ZFTA: variants seen among roughly 807,000 people sequenced by gnomAD.
ZFTA encodes the protein zinc finger translocation associated.
ZFTA carries 35 observed loss-of-function variants against 41.8 expected under a neutral mutation model. The observed-to-expected ratio is 0.84, with a 90% confidence interval of 0.64 to 1.11. The LOEUF (loss-of-function observed/expected upper bound fraction) is 1.11. Ranked by LOEUF, ZFTA falls within the 50% of genes most tolerant of loss-of-function variation. The pLI is 0.00. For synonymous variants in ZFTA, 514 were observed against 436.4 expected (o/e 1.18, Z -2.22); for missense variants, 964 against 989.8 (o/e 0.97, Z 0.35).
In ZFTA at chr11:63,763,305, G is replaced by C; in HGVS notation, c.*113C>G. 2 of 803,642 alleles carry C rather than the reference G, an allele frequency of 2.5e-6. No individual in the cohort carries two copies. The highest frequency in any genetic ancestry group is 3.2e-6 in the Non-Finnish European group (2 of 634,798). The allele number at this position is 803,642 out of a possible 1,614,324, so 49.8% of individuals were successfully genotyped here. A position where few individuals can be genotyped will look rare whatever the true frequency, so the allele number is the denominator to read the frequency against. ...CCCGGCCAGCGGGGGGCGCGGCCGC[G>C]GGAAGCGCTAACACCGGACGCGAGG... On this transcript the variant is annotated 3_prime_UTR_variant, in exon 5 of 5. Coordinates refer to ENST00000433688, the MANE Select transcript of ZFTA (RefSeq NM_001144936.2).
chr11:63,765,895 C>T lies in ZFTA; in HGVS notation c.549G>A (p.Gly183=). 1 of 1,547,638 alleles carries T rather than the reference C, an allele frequency of 6.5e-7. No individual in the cohort carries two copies. The highest frequency in any genetic ancestry group is 1.2e-5 in the South Asian group (1 of 83,588). The change falls in exon 2 of 5, where the codon GGG becomes GGA. Residue 183 remains glycine (G), a synonymous_variant. Coordinates refer to ENST00000433688, the MANE Select transcript of ZFTA (RefSeq NM_001144936.2). This position sits in a 1 kb window ranked among gnomAD's most constrained non-coding sequence, Gnocchi z 4.0. Reference sequence around the variant, plus strand: ...CCTCCTCCTCCTCAGCCCCCTGGACCCCCAGGCCCTCGGCCTCTCCGCAGG... The same window carrying T: ...CCTCCTCCTCCTCAGCCCCCTGGACTCCCAGGCCCTCGGCCTCTCCGCAGG... ...LGACGEAEGL[G]VQGAEEEEEE... is the part of the protein sequence containing the mutation.
At chr11:63,764,730 A>C (rs2014716440) in intron 3 of ZFTA, 132 bp from the exon 4 acceptor site, 1 of 1,346,556 alleles carries the variant, frequency 7.4e-7, no homozygotes, top group Non-Finnish European at 9.5e-7. Context: ...GTCTGGGGGC[A>C]GGGGGAAAGT....
At chr11:63,767,923 G>T (rs953338217) in intron 1 of ZFTA, among the ~76,000 whole-genome samples, 2 of 152,182 alleles carry the variant, frequency 1.3e-5, no homozygotes, top group Non-Finnish European at 2.9e-5. Flanking sequence ...AAGATGGTGT[G>T]GGCCCCCGGG....
Position 63,768,584 on chromosome 11 carries a change from G to T in ZFTA, c.39C>A (p.Gly13=). Residue 13 remains glycine, a synonymous_variant, in exon 1 of 5, where the codon GGC becomes GGA. Transcript: ENST00000433688. ...PGGDHRSRSS[G]GRGGPGPAVA... Reference sequence around the variant, plus strand: ...CTGCTGGCCCGGGGCCGCCCCTGCCGCCGCTGCTCCGGCTCCGGTGGTCCC... The same window carrying T: ...CTGCTGGCCCGGGGCCGCCCCTGCCTCCGCTGCTCCGGCTCCGGTGGTCCC... The T allele has an allele frequency of 2.8e-5, 29 of 1,044,934 alleles. No homozygotes were observed. The highest frequency in any genetic ancestry group is 3.3e-5 in the Non-Finnish European group (29 of 871,808). The allele number at this position is 1,044,934 out of a possible 1,614,324, so 64.7% of individuals were successfully genotyped here.
In ZFTA at chr11:63,764,506, C is replaced by G. The variant is rs547813253; in HGVS notation, c.1117G>C (p.Asp373His). ...APSSQDLSPP[D>H]VKEEAGWVPE... ...ACCCAGCCAGCCTCTTCCTTTACGT[C>G]TGGGGGGCTGAGATCCTGAGAGGAG... The change falls in exon 4 of 5, where the codon GAC becomes CAC. Residue 373 changes from aspartate (D) to histidine (H), a missense_variant. This residue lies in a region of ZFTA where 584 missense variants were observed against 523.1 expected (regional missense o/e 1.12). Transcript: ENST00000433688. 8.0e-7 allele frequency: 1 copy of G among 1,257,550 alleles called. No individual in the cohort carries two copies. Among genetic ancestry groups the G allele is most frequent in the Non-Finnish European group, 1.0e-6 (1 of 995,792 alleles). The allele number at this position is 1,257,550 out of a possible 1,614,324, so 77.9% of individuals were successfully genotyped here.
At position 63,763,878 on chromosome 11, in the gene ZFTA, G is replaced by A. The variant is rs2014696207; in HGVS notation, c.1586-9C>T. 1 of 1,419,470 alleles carries A rather than the reference G, an allele frequency of 7.0e-7. No individual in the cohort carries two copies. Among genetic ancestry groups the A allele is most frequent in the Non-Finnish European group, 9.2e-7 (1 of 1,087,034 alleles). 87.9% of individuals were successfully genotyped at this position (1,419,470 alleles called of 1,614,324 possible). On this transcript the variant is annotated splice_polypyrimidine_tract_variant and intron_variant, in intron 4 of 4. Coordinates refer to ENST00000433688, the MANE Select transcript of ZFTA (RefSeq NM_001144936.2). Reference sequence around the variant, plus strand: ...GGACAGCGGAACGTCGCCTAAGGAGGGACAAAGGACCGCATTGGCGACGGC... The same window carrying A: ...GGACAGCGGAACGTCGCCTAAGGAGAGACAAAGGACCGCATTGGCGACGGC...
In ZFTA at chr11:63,763,601, C is replaced by T; in HGVS notation, c.1854G>A (p.Lys618=). 1 of 1,548,996 alleles carries T rather than the reference C, an allele frequency of 6.5e-7. No homozygotes were observed. The highest frequency in any genetic ancestry group is 1.2e-5 in the South Asian group (1 of 84,014). ...ALATLKVSTI[K]RHILQVHPFS... The stretch of plus-strand genomic sequence containing the variant: ...AGGGGTGCACCTGCAGGATGTGGCG[C>T]TTGATGGTGCTCACCTTGAGCGTGG... The change falls in exon 5 of 5, where the codon AAG becomes AAA. Residue 618 remains lysine, a synonymous_variant. Coordinates refer to ENST00000433688, the MANE Select transcript of ZFTA (RefSeq NM_001144936.2).
intron 1 of ZFTA, among the ~76,000 whole-genome samples, chr11:63,767,116 T>G (rs556589235): frequency 6.6e-6 from 1 of 152,238 alleles, no homozygotes; most frequent in Non-Finnish European, 1.5e-5. Flanking sequence ...TGCCCAGCAG[T>G]CAGAAGGGCG....
chr11:63,765,040 C>T lies in ZFTA; in HGVS notation c.852G>A (p.Val284=), dbSNP rs1332390682. 1 of 1,548,944 alleles carries T rather than the reference C, an allele frequency of 6.5e-7. No homozygotes were observed. The highest frequency in any genetic ancestry group is 2.0e-5 in the Admixed American group (1 of 50,938). The stretch of plus-strand genomic sequence containing the variant: ...GCAGTGCCCGGCCACAGGCCATGCA[C>T]ACCAGCCGGTTCCCCCGCGGGTCAT... ...MDYDPRGNRL[V]CMACGRALPS... The change falls in exon 3 of 5, where the codon GTG becomes GTA. Residue 284 remains valine (V), a synonymous_variant. Coordinates refer to ENST00000433688, the MANE Select transcript of ZFTA (RefSeq NM_001144936.2). The surrounding 1 kb of genome is among the most constrained non-coding windows in gnomAD (Gnocchi z 4.0).
chr11:63,763,811 G>C lies in ZFTA; in HGVS notation c.1644C>G (p.Asp548Glu). The C allele has an allele frequency of 6.9e-7, 1 of 1,447,256 alleles. No individual in the cohort carries two copies. The highest frequency in any genetic ancestry group is 9.1e-7 in the Non-Finnish European group (1 of 1,102,706). The allele number at this position is 1,447,256 out of a possible 1,614,324, so 89.7% of individuals were successfully genotyped here. A position where few individuals can be genotyped will look rare whatever the true frequency, so the allele number is the denominator to read the frequency against. The change falls in exon 5 of 5, where the codon GAC becomes GAG. Residue 548 changes from aspartate (D) to glutamate (E), a missense_variant. By Grantham distance (45) the Asp-to-Glu change is conservative. This residue lies in a region of ZFTA where 584 missense variants were observed against 523.1 expected (regional missense o/e 1.12). Transcript: ENST00000433688. ...CCCCAGGCTCCTGGCCGTCCTCTTC[G>C]TCCTCCTCTTCTTCGGCGGGCCGCT... ...PLERPAEEEE[D>E]EEDGQEPGGL...
Position 63,764,341 on chromosome 11 carries a change from T to A in ZFTA, c.1282A>T (p.Met428Leu), listed in dbSNP as rs1431606488. ...PQERWRLEYL[M>L]ELDGGRRGLV... ...CCGCGCCGGCCGCCGTCCAACTCCATGAGGTACTCCAGCCGCCAGCGCTCC... is the reference window on the plus strand; with the variant it reads ...CCGCGCCGGCCGCCGTCCAACTCCAAGAGGTACTCCAGCCGCCAGCGCTCC... Residue 428 changes from methionine to leucine, a missense_variant, in exon 4 of 5, where the codon ATG becomes TTG. This residue lies in a region of ZFTA where 584 missense variants were observed against 523.1 expected (regional missense o/e 1.12). Transcript: ENST00000433688. The A allele has an allele frequency of 5.9e-6, 8 of 1,355,318 alleles. No homozygotes were observed. Among genetic ancestry groups the A allele is most frequent in the Admixed American group, 3.8e-5 (1 of 25,986 alleles). 84.0% of individuals were successfully genotyped at this position (1,355,318 alleles called of 1,614,324 possible). A position where few individuals can be genotyped will look rare whatever the true frequency, so the allele number is the denominator to read the frequency against.
rs1318728013 is a variant in ZFTA, at chr11:63,765,578, CCTT to C, written c.637+226_637+228del. Among the ~76,000 whole-genome samples, 1 of 152,138 alleles carries C rather than the reference CCTT, an allele frequency of 6.6e-6. No individual in the cohort carries two copies. The highest frequency in any genetic ancestry group is 1.5e-5 in the Non-Finnish European group (1 of 68,022). Reference sequence around the variant, plus strand: ...CCACTGCCTGTCACCCAACTTCTCTCCTTGATACTTCAAAAACCACAGAATGTA... The same window carrying C: ...CCACTGCCTGTCACCCAACTTCTCTCGATACTTCAAAAACCACAGAATGTA... On this transcript the variant is annotated intron_variant, in intron 2 of 4. Transcript: ENST00000433688. The surrounding 1 kb of genome is among the most constrained non-coding windows in gnomAD (Gnocchi z 4.0).
chr11:63,765,711 T>TG lies in ZFTA; in HGVS notation c.637+95dup. The TG allele has an allele frequency of 7.1e-7, 1 of 1,411,030 alleles. No homozygotes were observed. Among genetic ancestry groups the TG allele is most frequent in the Non-Finnish European group, 9.2e-7 (1 of 1,082,658 alleles). The allele number at this position is 1,411,030 out of a possible 1,614,324, so 87.4% of individuals were successfully genotyped here. On this transcript the variant is annotated intron_variant, in intron 2 of 4. Coordinates refer to ENST00000433688, the MANE Select transcript of ZFTA (RefSeq NM_001144936.2). This position sits in a 1 kb window ranked among gnomAD's most constrained non-coding sequence, Gnocchi z 4.0. ...CCCACCCAGAGGAGGAGCAGTGCCT[T>TG]GCTCAAGAACACCAGCTCCTTGGCA...
chr11:63,764,070 TCCTCGTCCCCTCCCC>T lies in ZFTA; in HGVS notation c.1538_1552del (p.Gly513_Glu517del). On this transcript the variant is annotated inframe_deletion, in exon 4 of 5. Transcript: ENST00000433688. The stretch of plus-strand genomic sequence containing the variant: ...CTCCTCCTCCTCCTCTGGCTCCTCC[TCCTCGTCCCCTCCCC>T]CCTCGTCGGAGGCTGCGGCAGTGCC... 1 of 1,342,378 alleles carries T rather than the reference TCCTCGTCCCCTCCCC, an allele frequency of 7.4e-7. No individual in the cohort carries two copies. Among genetic ancestry groups the T allele is most frequent in the Non-Finnish European group, 9.5e-7 (1 of 1,051,124 alleles). 83.2% of individuals were successfully genotyped at this position (1,342,378 alleles called of 1,614,324 possible).
Position 63,764,189 on chromosome 11 carries a change from C to A in ZFTA, c.1434G>T (p.Arg478=). The change falls in exon 4 of 5, where the codon CGG becomes CGT. Residue 478 remains arginine (R), a synonymous_variant. Transcript: ENST00000433688. The part of the protein sequence containing the change: ...LGGPVQALIA[R]EWSEKAAHLL... ...GGTGGGCGGCCTTCTCGCTCCACTC[C>A]CGGGCGATGAGGGCCTGGACAGGCC... 1 of 1,391,398 alleles carries A rather than the reference C, an allele frequency of 7.2e-7. No individual in the cohort carries two copies. The highest frequency in any genetic ancestry group is 1.6e-5 in the South Asian group (1 of 61,768). The allele number at this position is 1,391,398 out of a possible 1,614,324, so 86.2% of individuals were successfully genotyped here. A position where few individuals can be genotyped will look rare whatever the true frequency, so the allele number is the denominator to read the frequency against.
Position 63,760,305 on chromosome 11 carries a change from T to C in ZFTA, c.*3113A>G, listed in dbSNP as rs547493938. On this transcript the variant is annotated 3_prime_UTR_variant, in exon 5 of 5. Coordinates refer to ENST00000433688, the MANE Select transcript of ZFTA (RefSeq NM_001144936.2). ...ATCATCAGGTCTTCATTGAAAGAACTTGAGTGGTCACCTGTGATTAGCTCT... is the reference window on the plus strand; with the variant it reads ...ATCATCAGGTCTTCATTGAAAGAACCTGAGTGGTCACCTGTGATTAGCTCT... 1.3e-5 allele frequency: 2 copies of C among 152,284 alleles called. No individual in the cohort carries two copies. The highest frequency in any genetic ancestry group is 1.9e-4 in the East Asian group (1 of 5,188). The allele number at this position is 152,284 out of a possible 1,614,324, so 9.4% of individuals were successfully genotyped here.
chr11:63,765,156 CGGCCCTCCGGGA>C lies in ZFTA; in HGVS notation c.724_735del (p.Ser242_Ala245del). 6.5e-7 allele frequency: 1 copy of C among 1,546,134 alleles called. No individual in the cohort carries two copies. The highest frequency in any genetic ancestry group is 1.2e-5 in the South Asian group (1 of 83,788). ...CGGGCCCCCAGCCCCCTGCTGCCCC[CGGCCCTCCGGGA>C]GGCTGAGAGGCGCAGACGCCGAGCC... On this transcript the variant is annotated inframe_deletion, in exon 3 of 5. Coordinates refer to ENST00000433688, the MANE Select transcript of ZFTA (RefSeq NM_001144936.2). This position sits in a 1 kb window ranked among gnomAD's most constrained non-coding sequence, Gnocchi z 4.0.
At position 63,763,520 on chromosome 11, in the gene ZFTA, C is replaced by T. The variant is rs2014687001; in HGVS notation, c.1935G>A (p.Glu645=). Residue 645 remains glutamate (E), a synonymous_variant, in exon 5 of 5, where the codon GAG becomes GAA. Transcript: ENST00000433688. ...ERQTILEAYE[E]AALRCYGHEG... is the part of the protein sequence containing the mutation. ...CGTGGCCGTAGCAGCGCAGCGCCGC[C>T]TCCTCGTAGGCCTCCAGGATAGTCT... 5 of 1,544,590 alleles carry T rather than the reference C, an allele frequency of 3.2e-6. No individual in the cohort carries two copies. The highest frequency in any genetic ancestry group is 4.4e-6 in the Non-Finnish European group (5 of 1,143,528).
chr11:63,764,006 C>A (rs1316769088), intron 4 of ZFTA, 32 bp downstream of exon 4: 14 of 1,305,742 alleles, frequency 1.1e-5, no homozygotes, highest in African/African-American at 1.6e-5. Context: ...GCCCGGCTCT[C>A]CCTCTCCGCC....
Sources: allele counts gnomAD v4.1 joint callset (sites outside exome capture counted in the v4.1 genomes callset), GRCh38; gene constraint gnomAD v4.1.1; regional missense constraint gnomAD v4.1.1; non-coding constraint Gnocchi (gnomAD v3.1); transcripts MANE v1.5; gene names NCBI Gene and HGNC (gene_info 2026-07-23, HGNC 2026-07-21).